Variants in ATP2C2 observed in about 807,000 individuals in gnomAD.
ATP2C2 encodes ATPase secretory pathway Ca2+ transporting 2, also known as calcium-transporting ATPase type 2C member 2.
In ATP2C2, 171 loss-of-function variants were observed where a neutral mutation model predicts 110.8. The ratio of observed to expected loss-of-function variants is 1.54; its 90% CI spans 1.36 to 1.75. The LOEUF (loss-of-function observed/expected upper bound fraction) is 1.75, where lower values mean the gene tolerates loss of function less well. Ranked by LOEUF, ATP2C2 falls within the 40% of genes most tolerant of loss-of-function variation. The pLI is 0.00. For synonymous variants in ATP2C2, 804 were observed against 508.4 expected, an observed-to-expected ratio of 1.58 and a Z score of -7.82; for missense variants, 1,963 against 1,235.0, an observed-to-expected ratio of 1.59 and a Z score of -8.84.
chr16:84,381,012 C>G (rs576500947), intron 1 of ATP2C2, among the ~76,000 whole-genome samples: 2 of 152,254 alleles, frequency 1.3e-5, no homozygotes, highest in South Asian at 4.1e-4. Context: ...ATTTCATGCG[C>G]GTCCGTGTGA....
chr16:84,411,502 C>T (rs960659297), intron 6 of ATP2C2, among the ~76,000 whole-genome samples: 3 of 152,146 alleles, frequency 2.0e-5, no homozygotes, highest in Admixed American at 1.3e-4. Context: ...AGTGCAGTGG[C>T]ACAATCTCAG....
intron 17 of ATP2C2, among the ~76,000 whole-genome samples, chr16:84,450,088 G>A (rs1299328895): frequency 3.3e-5 from 5 of 152,236 alleles, no homozygotes; most frequent in African/African-American, 7.2e-5. Context: ...CAGGCCTTGC[G>A]GGAGAGCGTA....
At chr16:84,444,500 G>A (rs901504938) in intron 15 of ATP2C2, among the ~76,000 whole-genome samples, 5 of 152,208 alleles carry the variant, frequency 3.3e-5, no homozygotes, top group East Asian at 1.9e-4. Context: ...TCATGACATC[G>A]TATTATTTTT....
At chr16:84,409,875 C>T (rs1322647397) in intron 4 of ATP2C2, among the ~76,000 whole-genome samples, 1 of 152,152 alleles carries the variant, frequency 6.6e-6, no homozygotes, top group Non-Finnish European at 1.5e-5. Flanking sequence ...AATACAAACA[C>T]AGACTCATTC....
chr16:84,440,802 G>A (rs536532234), intron 13 of ATP2C2, 55 bp from the exon 14 acceptor site: 4 of 1,391,916 alleles, frequency 2.9e-6, no homozygotes, highest in Non-Finnish European at 4.0e-6. Context: ...TGGGCCAACT[G>A]GGGGAGCATG....
chr16:84,382,661 A>C (rs543422552), intron 1 of ATP2C2, among the ~76,000 whole-genome samples: 2 of 152,320 alleles, frequency 1.3e-5, no homozygotes, highest in East Asian at 3.9e-4. Flanking sequence ...TGGGAGGCTA[A>C]GGCGAGAGGA....
intron 7 of ATP2C2, among the ~76,000 whole-genome samples, chr16:84,420,287 C>T (rs1230490573): frequency 3.3e-5 from 5 of 152,030 alleles, no homozygotes; most frequent in African/African-American, 1.2e-4. Flanking sequence ...TGCGGTATTC[C>T]CAGTGCCCAG....
Position 84,395,656 on chromosome 16 carries a change from C to G in ATP2C2, c.100-2843C>G, listed in dbSNP as rs190694732. 3.6e-3 allele frequency among the ~76,000 whole-genome samples: 552 copies of G among 151,894 alleles called. 2 individuals are homozygous for G. Among genetic ancestry groups the G allele is most frequent in the Non-Finnish European group, 5.8e-3 (397 of 67,970 alleles). On this transcript the variant is annotated intron_variant, in intron 1 of 26. Coordinates refer to ENST00000262429, the MANE Select transcript of ATP2C2 (RefSeq NM_014861.4). ...TCCAGAGTCGCTGAGATTACAGATG[C>G]CTGCCACCATGCCTGGCTAATTTTT...
chr16:84,452,012 A>C lies in ATP2C2; in HGVS notation c.1752A>C (p.Glu584Asp), dbSNP rs1453967595. The C allele has an allele frequency of 4.3e-6, 7 of 1,613,172 alleles. No individual in the cohort carries two copies. The highest frequency in any genetic ancestry group is 5.9e-6 in the Non-Finnish European group (7 of 1,179,854). The change falls in exon 18 of 27, where the codon GAA becomes GAC. Residue 584 changes from glutamate to aspartate, a missense_variant. Transcript: ENST00000262429. ...ACCCCCCGAGAGTTGGCGTGAAGGA[A>C]GCAGTCCAGGTTCTCTCCGAGTCTG... ...IIDPPRVGVK[E>D]AVQVLSESGV...
intron 6 of ATP2C2, among the ~76,000 whole-genome samples, chr16:84,412,338 A>C (rs951542271): frequency 2.9e-4 from 33 of 115,686 alleles, no homozygotes; most frequent in African/African-American, 7.5e-4. Context: ...GTGTGTCTGT[A>C]TGCGTGTGTC....
At chr16:84,386,164 T>C (rs1904318528) in intron 1 of ATP2C2, among the ~76,000 whole-genome samples, 1 of 152,200 alleles carries the variant, frequency 6.6e-6, no homozygotes, top group African/African-American at 2.4e-5. Context: ...TTGGCTGTTT[T>C]TACCGGAAGA....
chr16:84,442,726 C>T, intron 15 of ATP2C2, 127 bp downstream of exon 15: 2 of 916,748 alleles, frequency 2.2e-6, no homozygotes. Flanking sequence ...GAAAATGGCC[C>T]ACACTGGCCT....
chr16:84,440,936 T>C lies in ATP2C2; in HGVS notation c.1289T>C (p.Val430Ala). The C allele has an allele frequency of 6.2e-7, 1 of 1,612,838 alleles. No individual in the cohort carries two copies. The highest frequency in any genetic ancestry group is 8.5e-7 in the Non-Finnish European group (1 of 1,179,598). ...SKEVIKEFSN[V>A]SVGKLVEAGC... is the part of the protein sequence containing the mutation. ...GAAGTCATTAAGGAATTTTCCAATG[T>C]CTCAGTGGGAAAGTTAGTGGAGGTA... Residue 430 changes from valine to alanine, a missense_variant, in exon 14 of 27, where the codon GTC (valine) becomes GCC (alanine). Physicochemically the swap from Val to Ala is moderately conservative, Grantham distance 64 (BLOSUM62 0). Transcript: ENST00000262429.
At chr16:84,426,050 C>T in intron 11 of ATP2C2, 1 of 331,340 alleles carries the variant, frequency 3.0e-6, no homozygotes, top group African/African-American at 3.1e-5. Flanking sequence ...TCTTGCATTG[C>T]TAAAAAAAAA....
At chr16:84,382,633 C>G (rs1245418437) in intron 1 of ATP2C2, among the ~76,000 whole-genome samples, 1 of 152,184 alleles carries the variant, frequency 6.6e-6, no homozygotes, top group African/African-American at 2.4e-5. Context: ...GTGGCTCACA[C>G]CTGTAATCCT....
chr16:84,455,068 A>AGC (rs1472668964), intron 21 of ATP2C2, 84 bp downstream of exon 21: 230 of 1,250,076 alleles, frequency 1.8e-4, no homozygotes, highest in East Asian at 6.6e-4. Context: ...CTGTGGAGAT[A>AGC]GAGGGGGGGG....
At chr16:84,438,692 G>T (rs1261359105) in intron 11 of ATP2C2, among the ~76,000 whole-genome samples, 1 of 152,058 alleles carries the variant, frequency 6.6e-6, no homozygotes, top group East Asian at 1.9e-4. Flanking sequence ...CCCTGACCTG[G>T]ACTTCCTTGT....
chr16:84,420,341 C>T (rs1467321433), intron 7 of ATP2C2, among the ~76,000 whole-genome samples: 1 of 152,128 alleles, frequency 6.6e-6, no homozygotes, highest in Non-Finnish European at 1.5e-5. Context: ...TCAGGTTTCC[C>T]ATCAGTCCAA....
At chr16:84,427,717 A>C (rs964177076) in intron 11 of ATP2C2, among the ~76,000 whole-genome samples, 1 of 152,146 alleles carries the variant, frequency 6.6e-6, no homozygotes, top group African/African-American at 2.4e-5. Flanking sequence ...AGACTGTCTG[A>C]AAAAAGAAAC....
Sources: allele counts gnomAD v4.1 joint callset (sites outside exome capture counted in the v4.1 genomes callset), GRCh38; gene constraint gnomAD v4.1.1; transcripts MANE v1.5; gene names NCBI Gene and HGNC (gene_info 2026-07-23, HGNC 2026-07-21).